The following GSK3B variants were observed in gnomAD, a reference collection of about 807,000 sequenced individuals.
The protein encoded by GSK3B is glycogen synthase kinase 3 beta.
In GSK3B, 15 loss-of-function variants were observed where a neutral mutation model predicts 56.4. The ratio of observed to expected loss-of-function variants is 0.27; its 90% CI spans 0.18 to 0.41. GSK3B has a LOEUF of 0.41. GSK3B is among the 10% of genes least tolerant of loss of function. GSK3B has a pLI of 1.00. For missense variants in GSK3B, 300 were observed against 513.4 expected (o/e 0.58, Z 4.02); for synonymous variants, 181 against 188.9 (o/e 0.96, Z 0.34).
At chr3:120,007,646 A>T (rs1049776243) in intron 1 of GSK3B, among the ~76,000 whole-genome samples, 4 of 152,218 alleles carry the variant, frequency 2.6e-5, no homozygotes, top group Non-Finnish European at 5.9e-5. Context: ...CCATCACATA[A>T]ACAGAACCAA....
At chr3:120,005,005 T>C (rs984217285) in intron 1 of GSK3B, among the ~76,000 whole-genome samples, 2 of 152,044 alleles carry the variant, frequency 1.3e-5, no homozygotes, top group Non-Finnish European at 2.9e-5. Flanking sequence ...TTCTAACCCA[T>C]TGCAAGGAAG....
At chr3:119,829,632 C>A (rs1323730721) in intron 10 of GSK3B, among the ~76,000 whole-genome samples, 1 of 152,250 alleles carries the variant, frequency 6.6e-6, no homozygotes, top group Non-Finnish European at 1.5e-5. Flanking sequence ...CATTAATGTG[C>A]AGATGTCCTT....
chr3:120,058,150 T>C (rs1382791180), intron 1 of GSK3B, among the ~76,000 whole-genome samples: 1 of 152,108 alleles, frequency 6.6e-6, no homozygotes, highest in African/African-American at 2.4e-5. Context: ...GTATTCAAAG[T>C]CAATACATCT....
intron 10 of GSK3B, among the ~76,000 whole-genome samples, chr3:119,842,546 T>C (rs1450045278): frequency 6.6e-6 from 1 of 152,212 alleles, no homozygotes; most frequent in Non-Finnish European, 1.5e-5. Flanking sequence ...CATATTTATA[T>C]GTTTTCAGCT....
chr3:119,902,046 G>A (rs1026940878), intron 7 of GSK3B, among the ~76,000 whole-genome samples: 2 of 152,010 alleles, frequency 1.3e-5, no homozygotes, highest in South Asian at 2.1e-4. Context: ...AAGCACTAAG[G>A]GTGCATGACT....
chr3:119,852,775 A>AT (rs1354526434), intron 9 of GSK3B, among the ~76,000 whole-genome samples: 1 of 151,946 alleles, frequency 6.6e-6, no homozygotes, highest in East Asian at 1.9e-4. Context: ...GATGGGGTTG[A>AT]TTTTTTCTTG....
intron 1 of GSK3B, among the ~76,000 whole-genome samples, chr3:120,045,414 C>A (rs1031023149): frequency 1.3e-5 from 2 of 152,212 alleles, no homozygotes; most frequent in Admixed American, 1.3e-4. Context: ...CCACTCTGCA[C>A]CCATTCCACC....
rs149710523 is a variant in GSK3B, at chr3:119,991,411, G to C, written c.282+10635C>G. 4.3e-3 allele frequency among the ~76,000 whole-genome samples: 644 copies of C among 150,142 alleles called. 1 individual carries two copies. Among genetic ancestry groups the C allele is most frequent in the African/African-American group, 0.015 (608 of 40,716 alleles). ...ACCAGAAATTCTTTTAAAAAGCCCA[G>C]TGTCTTAGGTACAGTTTATGTGACT... On this transcript the variant is annotated intron_variant, in intron 2 of 10. Coordinates refer to ENST00000264235, the MANE Select transcript of GSK3B (RefSeq NM_001146156.2).
rs1327822533 is a variant in GSK3B at position 119,823,859 on chromosome 3, AG to A, written c.*2928del. 2 of 200,058 alleles carry A rather than the reference AG, an allele frequency of 1.0e-5. No individual in the cohort carries two copies. The highest frequency in any genetic ancestry group is 2.3e-5 in the African/African-American group (1 of 43,550). 12.4% of individuals were successfully genotyped at this position (200,058 alleles called of 1,614,324 possible). On this transcript the variant is annotated 3_prime_UTR_variant, in exon 11 of 11. Transcript: ENST00000264235. ...GAGTGAGTTATTATTTCAAAGGGAA[AG>A]GGGGTGGACAGGGAGACATGGATAA...
At chr3:119,833,066 A>C in intron 10 of GSK3B, 1 of 694,886 alleles carries the variant, frequency 1.4e-6, no homozygotes, top group Non-Finnish European at 1.8e-6. Flanking sequence ...CCCCACCCAA[A>C]TGTTCAAGTC....
chr3:119,918,953 CAAGT>C (rs891525029), intron 4 of GSK3B, among the ~76,000 whole-genome samples: 17 of 151,904 alleles, frequency 1.1e-4, no homozygotes, highest in Middle Eastern at 3.4e-3. Context: ...CATGTTAAAA[CAAGT>C]AATAACAATT....
chr3:119,936,902 T>C (rs755494448), intron 3 of GSK3B, among the ~76,000 whole-genome samples: 1 of 151,888 alleles, frequency 6.6e-6, no homozygotes, highest in Admixed American at 6.6e-5. Context: ...AACATACATA[T>C]ACAGAATACA....
At chr3:119,905,929 T>C (rs188556007) in intron 6 of GSK3B, 77 bp from the exon 7 acceptor site, 1 of 831,536 alleles carries the variant, frequency 1.2e-6, no homozygotes, top group African/African-American at 1.7e-5. Flanking sequence ...GTTTTCTAAT[T>C]TTACTTTGAT....
chr3:119,895,521 T>C (rs573941923), intron 7 of GSK3B, among the ~76,000 whole-genome samples: 1 of 152,296 alleles, frequency 6.6e-6, no homozygotes, highest in African/African-American at 2.4e-5. Context: ...ATGGTTGTAC[T>C]AATTTACATT....
At chr3:120,090,414 T>C (rs1173393933) in intron 1 of GSK3B, among the ~76,000 whole-genome samples, 1 of 152,202 alleles carries the variant, frequency 6.6e-6, no homozygotes, top group Non-Finnish European at 1.5e-5. Context: ...GGGAACTTAT[T>C]GTATATTAAA....
chr3:120,072,678 T>C (rs1428302386), intron 1 of GSK3B, among the ~76,000 whole-genome samples: 1 of 152,190 alleles, frequency 6.6e-6, no homozygotes, highest in African/African-American at 2.4e-5. Flanking sequence ...GGTCTCTATA[T>C]TTAAGATTCA....
At chr3:119,838,485 T>C (rs920332199) in intron 10 of GSK3B, among the ~76,000 whole-genome samples, 14 of 152,202 alleles carry the variant, frequency 9.2e-5, no homozygotes, top group African/African-American at 3.4e-4. Flanking sequence ...GTTTACAGTT[T>C]TGTATATTTC....
At position 119,826,789 on chromosome 3, in the gene GSK3B, C is replaced by T. The variant is rs1352007222; in HGVS notation, c.1262G>A (p.Ter421=). 1 of 1,608,430 alleles carries T rather than the reference C, an allele frequency of 6.2e-7. No individual in the cohort carries two copies. Among genetic ancestry groups the T allele is most frequent in the South Asian group, 1.1e-5 (1 of 90,958 alleles). ...GTGCAGCTGGCTGCTCGGGACTGTT[C>T]AGGTGGAGTTGGAAGCTGATGCAGA... ...AASASASNST[*] is the part of the protein sequence containing the mutation. Residue 421 remains the stop codon, a stop_retained_variant, in exon 11 of 11, where the codon TGA becomes TAA. Transcript: ENST00000264235.
chr3:120,018,653 A>G (rs1420906489), intron 1 of GSK3B, among the ~76,000 whole-genome samples: 1 of 152,234 alleles, frequency 6.6e-6, no homozygotes, highest in Non-Finnish European at 1.5e-5. Flanking sequence ...ACATTCTAAA[A>G]TAAATCCATA....
Sources: allele counts gnomAD v4.1 joint callset (sites outside exome capture counted in the v4.1 genomes callset), GRCh38; gene constraint gnomAD v4.1.1; transcripts MANE v1.5; gene names NCBI Gene and HGNC (gene_info 2026-07-23, HGNC 2026-07-21).